The following MUSK variants were observed in gnomAD, a reference collection of about 807,000 sequenced individuals.
The protein encoded by MUSK is muscle, skeletal receptor tyrosine-protein kinase.
Under a neutral mutation model 88.7 loss-of-function variants are expected in MUSK, and 55 were observed. That is an observed-to-expected ratio of 0.62 (90% CI 0.50 to 0.78). MUSK has a LOEUF of 0.78. Ranked by LOEUF, MUSK falls within the 30% of genes least tolerant of loss-of-function variation. The pLI, the probability that MUSK is intolerant of heterozygous loss-of-function variation, is 0.00. For missense variants in MUSK, 1,015 were observed against 1,074.3 expected (o/e 0.94, Z 0.77); for synonymous variants, 387 against 391.9 (o/e 0.99, Z 0.15).
chr9:110,759,164 C>T (rs2077365136), intron 7 of MUSK, among the ~76,000 whole-genome samples: 1 of 152,110 alleles, frequency 6.6e-6, no homozygotes, highest in South Asian at 2.1e-4. Flanking sequence ...ATAGAGAGCT[C>T]AGAAATAAAA....
At chr9:110,687,377 C>G in intron 3 of MUSK, 109 bp downstream of exon 3, 1 of 1,301,340 alleles carries the variant, frequency 7.7e-7, no homozygotes, top group South Asian at 1.4e-5. Flanking sequence ...CTCTGTTGCT[C>G]AGGCTGGAGT....
intron 5 of MUSK, among the ~76,000 whole-genome samples, chr9:110,705,658 A>C (rs2076589534): frequency 6.6e-6 from 1 of 152,262 alleles, no homozygotes; most frequent in Admixed American, 6.5e-5. Flanking sequence ...CATAAAGGGA[A>C]AAGTAAAACA....
chr9:110,733,578 T>A (rs1011438051), intron 5 of MUSK, among the ~76,000 whole-genome samples: 3 of 152,084 alleles, frequency 2.0e-5, no homozygotes, highest in Non-Finnish European at 4.4e-5. Context: ...ATATCCTTTT[T>A]TTTTTTTGCC....
intron 7 of MUSK, among the ~76,000 whole-genome samples, chr9:110,749,481 T>C (rs1587988473): frequency 6.6e-6 from 1 of 152,282 alleles, no homozygotes; most frequent in African/African-American, 2.4e-5. Flanking sequence ...AGGTGGAAAG[T>C]GGAAACAAAA....
chr9:110,770,322 CAAT>C (rs965274336), intron 9 of MUSK, among the ~76,000 whole-genome samples: 21 of 125,308 alleles, frequency 1.7e-4, no homozygotes, highest in South Asian at 1.0e-3. Flanking sequence ...CAATAATTAT[CAAT>C]AATAATTAAT....
chr9:110,706,346 A>C (rs1373433654), intron 5 of MUSK, among the ~76,000 whole-genome samples: 1 of 151,970 alleles, frequency 6.6e-6, no homozygotes, highest in Non-Finnish European at 1.5e-5. Context: ...CTGCCTATTC[A>C]TTTTATTAGG....
At chr9:110,775,215 T>C (rs1391601382) in intron 9 of MUSK, 2 of 155,114 alleles carry the variant, frequency 1.3e-5, no homozygotes, top group African/African-American at 4.8e-5. Context: ...CGCAGAGCAA[T>C]GGGACAGGAT....
At chr9:110,681,015 ATATATATTATATAT>A (rs1564209274) in intron 1 of MUSK, among the ~76,000 whole-genome samples, 1 of 24,494 alleles carries the variant, frequency 4.1e-5, no homozygotes, top group South Asian at 6.8e-4. Flanking sequence ...ATTATATATA[ATATATATTATATAT>A]TATATATTAT....
At chr9:110,753,045 C>T (rs2077267174) in intron 7 of MUSK, among the ~76,000 whole-genome samples, 1 of 152,074 alleles carries the variant, frequency 6.6e-6, no homozygotes, top group Admixed American at 6.5e-5. Context: ...ACCCTCAGCC[C>T]TGTGGAAGAA....
At chr9:110,724,711 G>T (rs1262101347) in intron 5 of MUSK, among the ~76,000 whole-genome samples, 3 of 151,600 alleles carry the variant, frequency 2.0e-5, no homozygotes, top group Non-Finnish European at 4.4e-5. Flanking sequence ...TTTTAATATG[G>T]CTTTGTCTTT....
chr9:110,695,871 C>T (rs1395397650), intron 4 of MUSK, among the ~76,000 whole-genome samples: 1 of 151,558 alleles, frequency 6.6e-6, no homozygotes, highest in East Asian at 1.9e-4. Flanking sequence ...AAAACTAAAA[C>T]CCAGGCTTTA....
chr9:110,735,960 A>G lies in MUSK; in HGVS notation c.753+1585A>G, dbSNP rs567944949. Among the ~76,000 whole-genome samples, 5 of 152,204 alleles carry G rather than the reference A, an allele frequency of 3.3e-5. No individual in the cohort carries two copies. In the South Asian group the frequency reaches 1.0e-3, roughly 32 times the overall value. ...ATGAGACTTCTGTCCCCATGATCCA[A>G]TCACCCCACGCCAGGCCCAACTCCA... is the stretch of plus-strand genomic sequence containing the variant. On this transcript the variant is annotated intron_variant, in intron 6 of 14. Coordinates refer to ENST00000374448, the MANE Select transcript of MUSK (RefSeq NM_005592.4).
At chr9:110,688,354 CT>C (rs886685782) in intron 3 of MUSK, among the ~76,000 whole-genome samples, 14 of 150,904 alleles carry the variant, frequency 9.3e-5, no homozygotes, top group East Asian at 1.9e-4. Context: ...TGATGTTTGT[CT>C]TTTTTTTTCA....
rs948906048 is a variant in MUSK at position 110,766,282 on chromosome 9, G to A, written c.921-1538G>A. Among the ~76,000 whole-genome samples, 5 of 152,168 alleles carry A rather than the reference G, an allele frequency of 3.3e-5. 1 individual carries two copies. Among genetic ancestry groups the A allele is most frequent in the South Asian group, 4.1e-4 (2 of 4,828 alleles). ...GTCTGTTTCTGAGGCTGCTTCTTAG[G>A]CCTTCACCTTGGGGTGTCGTTTACT... On this transcript the variant is annotated intron_variant, in intron 8 of 14. Coordinates refer to ENST00000374448, the MANE Select transcript of MUSK (RefSeq NM_005592.4).
chr9:110,707,223 C>A (rs1308726182), intron 5 of MUSK, among the ~76,000 whole-genome samples: 2 of 152,036 alleles, frequency 1.3e-5, no homozygotes, highest in Non-Finnish European at 2.9e-5. Context: ...AAATAAAATA[C>A]CAGACCATAC....
chr9:110,768,806 A>C (rs1474415327), intron 9 of MUSK, among the ~76,000 whole-genome samples: 2 of 152,202 alleles, frequency 1.3e-5, no homozygotes, highest in East Asian at 3.9e-4. Flanking sequence ...CATTCCATCC[A>C]AAATTCTAAG....
intron 14 of MUSK, among the ~76,000 whole-genome samples, chr9:110,798,469 C>T (rs1180879303): frequency 6.6e-6 from 1 of 152,132 alleles, no homozygotes; most frequent in Non-Finnish European, 1.5e-5. Flanking sequence ...AACAGTAGAA[C>T]AATCAGGTGA....
At chr9:110,734,553 GTTTGC>G (rs1175377581) in intron 6 of MUSK, among the ~76,000 whole-genome samples, 178 bp downstream of exon 6, 2 of 152,062 alleles carry the variant, frequency 1.3e-5, no homozygotes, top group African/African-American at 4.8e-5. Context: ...AACTCCAAGA[GTTTGC>G]TTCCTTCCAT....
intron 6 of MUSK, 144 bp from the exon 7 acceptor site, chr9:110,747,497 A>G (rs2077187957): frequency 1.3e-6 from 1 of 754,022 alleles, no homozygotes; most frequent in African/African-American, 1.7e-5. Flanking sequence ...GGGCATGGAC[A>G]CAGGGAGGGA....
Sources: allele counts gnomAD v4.1 joint callset (sites outside exome capture counted in the v4.1 genomes callset), GRCh38; gene constraint gnomAD v4.1.1; transcripts MANE v1.5; gene names NCBI Gene and HGNC (gene_info 2026-07-23, HGNC 2026-07-21).